DAB1: variants seen among roughly 807,000 people sequenced by gnomAD.
DAB1 encodes the protein disabled homolog 1.
A neutral mutation model predicts 64.6 loss-of-function variants in DAB1; 15 were observed. The observed-to-expected ratio is 0.23, with a 90% CI of 0.16 to 0.36. The LOEUF (loss-of-function observed/expected upper bound fraction) is 0.36. DAB1 is among the 10% of genes least tolerant of loss of function. DAB1 has a pLI of 1.00. For synonymous variants in DAB1, 235 were observed against 251.9 expected (o/e 0.93, Z 0.64); for missense variants, 596 against 706.7 (o/e 0.84, Z 1.78).
At chr1:57,011,044 G>T in intron 13 of DAB1, 101 bp downstream of exon 13, 2 of 1,454,502 alleles carry the variant, frequency 1.4e-6, no homozygotes, top group Non-Finnish European at 1.9e-6. Context: ...GATTGAGCCA[G>T]CATTCTTTTC....
At chr1:57,748,816 T>C (rs1021678137) in intron 6 of DAB1, among the ~76,000 whole-genome samples, 1 of 152,184 alleles carries the variant, frequency 6.6e-6, no homozygotes, top group Non-Finnish European at 1.5e-5. Flanking sequence ...CCACCCATGT[T>C]CCAGGCCAGT....
At chr1:57,781,821 A>G (rs1650116868) in intron 6 of DAB1, among the ~76,000 whole-genome samples, 1 of 152,092 alleles carries the variant, frequency 6.6e-6, no homozygotes, top group Non-Finnish European at 1.5e-5. Flanking sequence ...GAAGACAGTA[A>G]AACTGATTTG....
intron 9 of DAB1, among the ~76,000 whole-genome samples, chr1:57,053,660 C>CTCTCTCTCTATA (rs1399510534): frequency 1.7e-5 from 2 of 116,676 alleles, no homozygotes; most frequent in African/African-American, 6.6e-5. Context: ...CTCTCTCTCT[C>CTCTCTCTCTATA]TATATGTATA....
chr1:57,004,478 A>C (rs933546159), intron 14 of DAB1, among the ~76,000 whole-genome samples: 1 of 152,230 alleles, frequency 6.6e-6, no homozygotes, highest in Non-Finnish European at 1.5e-5. Context: ...CCATGCAATC[A>C]GCTTGCTGAG....
At chr1:57,516,212 A>G (rs890027817) in intron 7 of DAB1, among the ~76,000 whole-genome samples, 4 of 152,218 alleles carry the variant, frequency 2.6e-5, no homozygotes, top group African/African-American at 9.6e-5. Flanking sequence ...TATTGGGACC[A>G]ATGAGGAAGA....
intron 3 of DAB1, chr1:58,473,697 C>T (rs529577916): frequency 3.6e-4 from 133 of 368,026 alleles, no homozygotes; most frequent in Admixed American, 9.0e-4. Context: ...TGAATGCTAG[C>T]CATTATTATT....
At chr1:58,193,443 A>G (rs1199363583) in intron 4 of DAB1, among the ~76,000 whole-genome samples, 1 of 152,244 alleles carries the variant, frequency 6.6e-6, no homozygotes, top group East Asian at 1.9e-4. Context: ...CTTTGTAGCA[A>G]TACAAAACAG....
chr1:57,422,572 G>A (rs945617139), intron 1 of DAB1, among the ~76,000 whole-genome samples: 2 of 151,718 alleles, frequency 1.3e-5, no homozygotes, highest in African/African-American at 2.4e-5. Flanking sequence ...CCCGCGTCGC[G>A]GCGCTCTCCA....
intron 5 of DAB1, among the ~76,000 whole-genome samples, chr1:58,037,252 C>G (rs762779078): frequency 6.6e-6 from 1 of 152,134 alleles, no homozygotes. Context: ...TAGAGGCAGA[C>G]CTTAACCAAT....
At chr1:57,085,789 G>A (rs142890872) in intron 4 of DAB1, among the ~76,000 whole-genome samples, 21 of 152,208 alleles carry the variant, frequency 1.4e-4, no homozygotes, top group African/African-American at 4.1e-4. Flanking sequence ...ACTTGGGGGC[G>A]GGGGGTGGCA....
At chr1:57,123,434 A>C (rs1656843426) in intron 4 of DAB1, among the ~76,000 whole-genome samples, 1 of 152,186 alleles carries the variant, frequency 6.6e-6, no homozygotes, top group Non-Finnish European at 1.5e-5. Context: ...CTAAAGTTTA[A>C]TATCAATAAG....
intron 2 of DAB1, among the ~76,000 whole-genome samples, chr1:57,189,268 T>C (rs547023113): frequency 2.6e-5 from 4 of 152,332 alleles, no homozygotes; most frequent in Admixed American, 2.6e-4. Flanking sequence ...ATCAATGTAG[T>C]CTTTTATCAA....
intron 5 of DAB1, among the ~76,000 whole-genome samples, chr1:58,118,503 T>TATATATATATATATACACAC (rs1341446315): frequency 7.5e-5 from 4 of 53,110 alleles, no homozygotes; most frequent in Admixed American, 3.0e-4. Flanking sequence ...TATATATATA[T>TATATATATATATATACACAC]ACACACACAC....
chr1:57,830,945 G>A (rs762857409), intron 1 of DAB1, among the ~76,000 whole-genome samples: 9 of 152,004 alleles, frequency 5.9e-5, no homozygotes, highest in East Asian at 5.8e-4. Flanking sequence ...ATGGAGTCTC[G>A]CTCTGTTGCC....
At chr1:57,965,904 C>G (rs961942640) in intron 5 of DAB1, among the ~76,000 whole-genome samples, 2 of 151,996 alleles carry the variant, frequency 1.3e-5, no homozygotes, top group African/African-American at 4.8e-5. Context: ...ATTTCTCTAT[C>G]TTTCTGAGAT....
At chr1:58,325,339 T>C (rs533948331) in intron 4 of DAB1, among the ~76,000 whole-genome samples, 1 of 152,340 alleles carries the variant, frequency 6.6e-6, no homozygotes, top group African/African-American at 2.4e-5. Flanking sequence ...TGTTCTGATT[T>C]TACCTTTCTC....
exon 2 of DAB1, chr1:58,527,333 A>G: frequency 1.1e-6 from 1 of 871,748 alleles, no homozygotes; most frequent in Non-Finnish European, 2.0e-6. Context: ...TATTAAACAT[A>G]TACTAAGAAG....
chr1:57,910,910 G>A (rs75011314), intron 5 of DAB1, among the ~76,000 whole-genome samples: 2,331 of 152,204 alleles, frequency 0.015, 74 homozygotes, highest in African/African-American at 0.053. Context: ...CTGTCTCATC[G>A]TCAAACAGGA....
chr1:58,510,177 CA>C (rs1319890859), intron 2 of DAB1, among the ~76,000 whole-genome samples: 1 of 150,786 alleles, frequency 6.6e-6, no homozygotes, highest in Admixed American at 6.6e-5. Context: ...AAAGACACTA[CA>C]AAAAAAAATT....
Sources: gnomAD v4.1 joint callset for allele counts (sites outside exome capture counted in the v4.1 genomes callset) on GRCh38, gnomAD v4.1.1 for gene constraint, MANE v1.5 for transcripts, NCBI Gene and HGNC (gene_info 2026-07-23, HGNC 2026-07-21) for gene names.